The following P2RX5 variants were observed in gnomAD, a reference collection of about 807,000 sequenced individuals.
P2RX5 encodes the protein P2X purinoceptor 5.
A neutral mutation model predicts 54.1 loss-of-function variants in P2RX5; 46 were observed. That is an observed-to-expected ratio of 0.85 (90% confidence interval 0.67 to 1.09). P2RX5 has a LOEUF of 1.09. Among genes scored for constraint, P2RX5 ranks in the 50% least tolerant of loss-of-function variants. The pLI is 0.00. For missense variants in P2RX5, 566 were observed against 549.8 expected (o/e 1.03, Z -0.29); for synonymous variants, 226 against 226.4 (o/e 1.00, Z 0.02).
the P2RX5 span, among the ~76,000 whole-genome samples, chr17:3,703,344 TA>T: frequency 1.3e-5 from 2 of 151,824 alleles, no homozygotes; most frequent in Admixed American, 1.3e-4. Context: ...TGTTTCTACC[TA>T]AAAAAACAAA....
chr17:3,689,842 GCA>G (rs935437860), intron 6 of P2RX5, among the ~76,000 whole-genome samples: 4 of 152,058 alleles, frequency 2.6e-5, no homozygotes, highest in African/African-American at 4.8e-5. Context: ...ACACACACAC[GCA>G]CACACGCGTG....
chr17:3,711,387 T>C, the P2RX5 span, among the ~76,000 whole-genome samples: 1 of 126,856 alleles, frequency 7.9e-6, no homozygotes, highest in Non-Finnish European at 1.7e-5. Context: ...TTTTTTTTTT[T>C]TTTTTTTTTT....
At chr17:3,697,310 A>T (rs2050779048), upstream of P2RX5, among the ~76,000 whole-genome samples, 1 of 152,150 alleles carries the variant, frequency 6.6e-6, no homozygotes, top group Non-Finnish European at 1.5e-5. Flanking sequence ...AGTATGTGGA[A>T]TTCAACAGGA....
rs773428595 is a variant in P2RX5 at position 3,695,919 on chromosome 17, C to T, written c.87G>A (p.Val29=). The T allele has an allele frequency of 1.9e-6, 3 of 1,614,190 alleles. No homozygotes were observed. The highest frequency in any genetic ancestry group is 2.5e-6 in the Non-Finnish European group (3 of 1,180,004). ...CCTGCAGCAGCCGGTACAGCAGGCCCACCTTCTTGTTCTTGGCGATGACAT... is the reference window on the plus strand; with the variant it reads ...CCTGCAGCAGCCGGTACAGCAGGCCTACCTTCTTGTTCTTGGCGATGACAT... ...EKYVIAKNKK[V]GLLYRLLQAS... Residue 29 remains valine, a synonymous_variant, in exon 1 of 12, where the codon GTG becomes GTA. Transcript: ENST00000225328.
chr17:3,716,621 TA>T, the P2RX5 span: 3 of 977,754 alleles, frequency 3.1e-6, no homozygotes, highest in Non-Finnish European at 4.9e-6. Context: ...TTGGCTGTCC[TA>T]AGGAGTTCTG....
chr17:3,720,584 CTTTT>C, the P2RX5 span: 414 of 320,718 alleles, frequency 1.3e-3, no homozygotes, highest in Middle Eastern at 2.8e-3. Context: ...CTTCAACTTC[CTTTT>C]TTTTTTTTTT....
the P2RX5 span, among the ~76,000 whole-genome samples, chr17:3,719,108 C>A: frequency 1.4e-5 from 2 of 140,330 alleles, no homozygotes; most frequent in African/African-American, 3.3e-5. Flanking sequence ...TGGTGGTGGG[C>A]ACCTGTAATC....
At chr17:3,707,517 T>G in the P2RX5 span, among the ~76,000 whole-genome samples, 30 of 152,008 alleles carry the variant, frequency 2.0e-4, no homozygotes, top group Admixed American at 5.2e-4. Flanking sequence ...GCCAGTGGTG[T>G]TTTCTCTCAT....
At chr17:3,706,979 A>G in the P2RX5 span, among the ~76,000 whole-genome samples, 1 of 152,214 alleles carries the variant, frequency 6.6e-6, no homozygotes, top group Non-Finnish European at 1.5e-5. Flanking sequence ...CTCAAAATAT[A>G]ATGTAAGCTC....
the P2RX5 span, chr17:3,718,451 C>T: frequency 2.6e-5 from 4 of 152,234 alleles, no homozygotes; most frequent in Admixed American, 2.0e-4. Context: ...CCAAAGAAGC[C>T]AGGCCATCGC....
At chr17:3,689,974 G>GCA in intron 6 of P2RX5, 96 bp downstream of exon 6, 1 of 1,072,476 alleles carries the variant, frequency 9.3e-7, no homozygotes, top group Non-Finnish European at 1.5e-6. Flanking sequence ...ACACACGCGC[G>GCA]CACACACACC....
chr17:3,695,818 G>C (rs946665105), intron 1 of P2RX5, 51 bp downstream of exon 1: 2 of 1,592,240 alleles, frequency 1.3e-6, no homozygotes, highest in Non-Finnish European at 1.7e-6. Context: ...GCGGCGGCTG[G>C]CACCCGCCCT....
At chr17:3,710,053 C>T in the P2RX5 span, among the ~76,000 whole-genome samples, 1 of 151,810 alleles carries the variant, frequency 6.6e-6, no homozygotes, top group African/African-American at 2.4e-5. Context: ...ACTAGAAGAC[C>T]CAGAAAATCT....
At chr17:3,711,330 G>A in the P2RX5 span, among the ~76,000 whole-genome samples, 1 of 145,132 alleles carries the variant, frequency 6.9e-6, no homozygotes, top group African/African-American at 2.6e-5. Context: ...ATTCAATTAC[G>A]AGAAAAGGTT....
chr17:3,707,076 A>T, the P2RX5 span, among the ~76,000 whole-genome samples: 1 of 152,186 alleles, frequency 6.6e-6, no homozygotes, highest in East Asian at 1.9e-4. Flanking sequence ...ATAAATTTTT[A>T]AAAACATTCT....
intron 1 of P2RX5, among the ~76,000 whole-genome samples, chr17:3,692,466 C>T (rs2050645808): frequency 6.6e-6 from 1 of 152,182 alleles, no homozygotes; most frequent in African/African-American, 2.4e-5. Flanking sequence ...ACAGCGCCTC[C>T]CTCTGGGGTT....
the P2RX5 span, chr17:3,717,541 T>G: frequency 1.3e-5 from 2 of 152,162 alleles, no homozygotes; most frequent in Admixed American, 6.6e-5. Context: ...CCCTTCCAAG[T>G]TGTGGCCAGA....
At chr17:3,701,283 C>T in the P2RX5 span, among the ~76,000 whole-genome samples, 12 of 152,058 alleles carry the variant, frequency 7.9e-5, no homozygotes, top group Admixed American at 2.0e-4. Context: ...AGTGTATTTA[C>T]GTGTGGCCCA....
At chr17:3,718,211 T>A in the P2RX5 span, 1 of 152,264 alleles carries the variant, frequency 6.6e-6, no homozygotes, top group East Asian at 1.9e-4. Context: ...GTGACTGACA[T>A]GAGATTCAGA....
Sources: gnomAD v4.1 joint callset for allele counts (sites outside exome capture counted in the v4.1 genomes callset) on GRCh38, gnomAD v4.1.1 for gene constraint, MANE v1.5 for transcripts, NCBI Gene and HGNC (gene_info 2026-07-23, HGNC 2026-07-21) for gene names.